The following RPTOR variants were observed in gnomAD, a reference collection of about 807,000 sequenced individuals.
RPTOR encodes regulatory-associated protein of mTOR.
In RPTOR, 21 loss-of-function variants were observed where a neutral mutation model predicts 169.9. The ratio of observed to expected loss-of-function variants is 0.12; its 90% confidence interval spans 0.09 to 0.18. The LOEUF (loss-of-function observed/expected upper bound fraction) is 0.18, where lower values mean the gene tolerates loss of function less well. Ranked by LOEUF, RPTOR falls within the 10% of genes least tolerant of loss-of-function variation. The probability of loss-of-function intolerance (pLI) is 1.00; values close to 1 mark genes in which losing one functional copy is unlikely to be tolerated. For missense variants in RPTOR, 1,133 were observed against 1,855.9 expected (o/e 0.61, Z 7.16); for synonymous variants, 732 against 753.2 (o/e 0.97, Z 0.46).
intron 9 of RPTOR, among the ~76,000 whole-genome samples, chr17:80,835,991 C>T (rs2067559306): frequency 6.6e-6 from 1 of 152,130 alleles, no homozygotes; most frequent in Admixed American, 6.5e-5. Context: ...TTTGTGTCAG[C>T]CGCTCTACGA....
At position 80,708,292 on chromosome 17, in the gene RPTOR, G is replaced by T. The variant is rs2066156578; in HGVS notation, c.507+293G>T. Among the ~76,000 whole-genome samples the T allele has an allele frequency of 6.6e-6, 1 of 152,234 alleles. No homozygotes were observed. Among genetic ancestry groups the T allele is most frequent in the Non-Finnish European group, 1.5e-5 (1 of 68,034 alleles). On this transcript the variant is annotated intron_variant, in intron 4 of 33. Transcript: ENST00000306801. The surrounding 1 kb of genome is among the most constrained non-coding windows in gnomAD (Gnocchi z 4.2). ...TTCTCCGAGGACAGACCTCGAGAGTGTCTGCCTTCTAGTTTGAAAAAATTG... is the reference window on the plus strand; with the variant it reads ...TTCTCCGAGGACAGACCTCGAGAGTTTCTGCCTTCTAGTTTGAAAAAATTG...
Position 80,650,369 on chromosome 17 carries a change from C to T in RPTOR, c.348+6559C>T, listed in dbSNP as rs376934339. ...CTGCCTAGGGAAGATTGGTGGAGTC[C>T]GCCTCCTCCCTTCTGCCTCGTAGGT... On this transcript the variant is annotated intron_variant, in intron 3 of 33. Coordinates refer to ENST00000306801, the MANE Select transcript of RPTOR (RefSeq NM_020761.3). Among the ~76,000 whole-genome samples the T allele has an allele frequency of 2.0e-4, 30 of 152,328 alleles. No homozygotes were observed. In the South Asian group the frequency reaches 4.3e-3, roughly 22 times the overall value.
intron 10 of RPTOR, among the ~76,000 whole-genome samples, chr17:80,841,735 GCTCA>G (rs1286188568): frequency 7.4e-6 from 1 of 134,992 alleles, no homozygotes; most frequent in African/African-American, 2.9e-5. Flanking sequence ...CCACACCGCA[GCTCA>G]CTCTCCCCGC....
At chr17:80,802,158 C>T (rs534445242) in intron 7 of RPTOR, 162 of 152,376 alleles carry the variant, frequency 1.1e-3, no homozygotes, top group Admixed American at 2.5e-3. Flanking sequence ...GCACACAGCA[C>T]GGAGATCTTC....
chr17:80,899,977 G>C (rs995172934), intron 20 of RPTOR, among the ~76,000 whole-genome samples: 2 of 152,178 alleles, frequency 1.3e-5, no homozygotes, highest in Admixed American at 1.3e-4. Context: ...TATTTTGACA[G>C]TGCCCCCACT....
intron 13 of RPTOR, among the ~76,000 whole-genome samples, chr17:80,864,752 T>C (rs2067967665): frequency 1.3e-5 from 2 of 152,264 alleles, no homozygotes; most frequent in Admixed American, 1.3e-4. Flanking sequence ...GATTTTTTTC[T>C]TTTTATTTAA....
At chr17:80,628,154 C>A (rs1432158198) in intron 2 of RPTOR, among the ~76,000 whole-genome samples, 3 of 152,266 alleles carry the variant, frequency 2.0e-5, no homozygotes, top group Non-Finnish European at 2.9e-5. Context: ...ATGTTTAATT[C>A]TTTAAGGAAC....
At chr17:80,722,625 G>A (rs1323130149) in intron 4 of RPTOR, among the ~76,000 whole-genome samples, 2 of 151,180 alleles carry the variant, frequency 1.3e-5, no homozygotes, top group Non-Finnish European at 2.9e-5. Context: ...AATTTCTGGA[G>A]AGCAGTTAGG....
At chr17:80,963,746 C>T (rs1376183688) in intron 33 of RPTOR, among the ~76,000 whole-genome samples, 2 of 106,748 alleles carry the variant, frequency 1.9e-5, no homozygotes, top group Non-Finnish European at 1.9e-5. Context: ...ACCCCGTCCC[C>T]TCTGCGGCCC....
At chr17:80,743,833 GCA>G (rs1417089786) in intron 5 of RPTOR, among the ~76,000 whole-genome samples, 2 of 121,924 alleles carry the variant, frequency 1.6e-5, no homozygotes, top group African/African-American at 3.0e-5. Context: ...CTGGCTACTA[GCA>G]CAGCCCTGGT....
chr17:80,804,168 G>A (rs1263074179), intron 7 of RPTOR: 2 of 152,278 alleles, frequency 1.3e-5, no homozygotes, highest in Non-Finnish European at 2.9e-5. Context: ...TGAATCAGTG[G>A]CGTGACCCGC....
intron 13 of RPTOR, among the ~76,000 whole-genome samples, chr17:80,877,168 A>G (rs2068130299): frequency 6.6e-6 from 1 of 152,226 alleles, no homozygotes; most frequent in Non-Finnish European, 1.5e-5. Flanking sequence ...TCTTCTGTTT[A>G]ACGAGGCCCT....
chr17:80,747,973 G>C (rs905477163), intron 5 of RPTOR, among the ~76,000 whole-genome samples: 11 of 152,106 alleles, frequency 7.2e-5, no homozygotes, highest in Non-Finnish European at 1.6e-4. Flanking sequence ...AGGGACTGCA[G>C]TGTTTGGAGG....
rs372664491 is a variant in RPTOR, at chr17:80,838,693, G to A, written c.1212+696G>A. On this transcript the variant is annotated intron_variant, in intron 10 of 33. Transcript: ENST00000306801. The stretch of plus-strand genomic sequence containing the variant: ...CAAGAGGGCGCGGCAGACACGGGGA[G>A]GCCAGGGATGGGGGAGGCGGCAGCC... Among the ~76,000 whole-genome samples, 42 of 152,352 alleles carry A rather than the reference G, an allele frequency of 2.8e-4. No homozygotes were observed. The East Asian group carries it at 5.6e-3, about 20-fold the overall frequency.
At chr17:80,922,620 T>C in intron 21 of RPTOR, 104 bp from the exon 22 acceptor site, 1 of 958,874 alleles carries the variant, frequency 1.0e-6, no homozygotes, top group Non-Finnish European at 1.6e-6. Context: ...CCAAAGGCCT[T>C]TTCTGTGATT....
In RPTOR at chr17:80,688,716, T is replaced by TA. The variant is rs2065967723; in HGVS notation, c.349-19124dup. Among the ~76,000 whole-genome samples, 3 of 152,374 alleles carry TA rather than the reference T, an allele frequency of 2.0e-5. No homozygotes were observed. In the South Asian group the frequency reaches 6.2e-4, roughly 32 times the overall value. On this transcript the variant is annotated intron_variant, in intron 3 of 33. Coordinates refer to ENST00000306801, the MANE Select transcript of RPTOR (RefSeq NM_020761.3). ...AGTGAGCTGTAGAGGCAGCCAGTGT[T>TA]ACTCTCTGCTCCATCCCTTTTTTGT...
At chr17:80,920,893 G>C (rs961315607) in intron 21 of RPTOR, among the ~76,000 whole-genome samples, 3 of 152,222 alleles carry the variant, frequency 2.0e-5, no homozygotes, top group African/African-American at 7.2e-5. Context: ...TGTCTGGCAG[G>C]TTCTGTGGGA....
At chr17:80,941,654 GT>G (rs1350752721) in intron 25 of RPTOR, among the ~76,000 whole-genome samples, 1 of 152,268 alleles carries the variant, frequency 6.6e-6, no homozygotes, top group African/African-American at 2.4e-5. Flanking sequence ...CAGGTTTATT[GT>G]TTTGACCTTG....
At chr17:80,938,822 T>G (rs532431954) in intron 24 of RPTOR, among the ~76,000 whole-genome samples, 2 of 152,334 alleles carry the variant, frequency 1.3e-5, no homozygotes, top group East Asian at 1.9e-4. Context: ...CTTGCCTGTT[T>G]CTGTTTTGTA....
Sources: allele counts gnomAD v4.1 joint callset (sites outside exome capture counted in the v4.1 genomes callset), GRCh38; gene constraint gnomAD v4.1.1; non-coding constraint Gnocchi (gnomAD v3.1); transcripts MANE v1.5; gene names NCBI Gene and HGNC (gene_info 2026-07-23, HGNC 2026-07-21).